The following ITPR2 variants were observed in gnomAD, a reference collection of about 807,000 sequenced individuals.
ITPR2 encodes the protein inositol 1,4,5-trisphosphate-gated calcium channel ITPR2.
ITPR2 carries 207 observed loss-of-function variants against 317.1 expected under a neutral mutation model. The ratio of observed to expected loss-of-function variants is 0.65; its 90% CI spans 0.58 to 0.73. The LOEUF (loss-of-function observed/expected upper bound fraction) is 0.73, where lower values mean the gene tolerates loss of function less well. Ranked by LOEUF, ITPR2 falls within the 30% of genes least tolerant of loss-of-function variation. The pLI is 0.00. For synonymous variants in ITPR2, 1,156 were observed against 1,149.1 expected, an observed-to-expected ratio of 1.01 and a Z score of -0.12; for missense variants, 2,613 against 3,284.0, an observed-to-expected ratio of 0.80 and a Z score of 4.99.
intron 39 of ITPR2, among the ~76,000 whole-genome samples, chr12:26,492,076 A>T (rs1416241363): frequency 6.6e-6 from 1 of 152,222 alleles, no homozygotes; most frequent in African/African-American, 2.4e-5. Context: ...AGAGGGAGAA[A>T]AACCTTTGCA....
chr12:26,800,727 A>G (rs952261462), intron 1 of ITPR2: 1 of 152,270 alleles, frequency 6.6e-6, no homozygotes, highest in Non-Finnish European at 1.5e-5. Context: ...AGGTTTTAAT[A>G]ATTTCTTGGA....
chr12:26,402,726 T>C (rs1378995127), intron 52 of ITPR2, among the ~76,000 whole-genome samples: 1 of 152,244 alleles, frequency 6.6e-6, no homozygotes, highest in Non-Finnish European at 1.5e-5. Context: ...AATAAGGTTC[T>C]ACCTTCGTGA....
chr12:26,747,628 C>T (rs1313974808), intron 2 of ITPR2, among the ~76,000 whole-genome samples: 3 of 152,208 alleles, frequency 2.0e-5, no homozygotes, highest in East Asian at 1.9e-4. Flanking sequence ...ACTTCCTAAA[C>T]ATCACTGAAG....
intron 55 of ITPR2, among the ~76,000 whole-genome samples, chr12:26,370,777 T>A (rs1292831637): frequency 1.3e-5 from 2 of 152,120 alleles, no homozygotes; most frequent in Non-Finnish European, 2.9e-5. Context: ...CAGGTTCAAG[T>A]GATTCTCCTG....
intron 2 of ITPR2, among the ~76,000 whole-genome samples, chr12:26,789,636 C>G (rs1950310885): frequency 6.6e-6 from 1 of 152,154 alleles, no homozygotes; most frequent in Admixed American, 6.5e-5. Context: ...TAATCAATCT[C>G]TTACTAGGAT....
chr12:26,510,068 T>C (rs1943296565), intron 37 of ITPR2, among the ~76,000 whole-genome samples: 1 of 150,704 alleles, frequency 6.6e-6, no homozygotes. Flanking sequence ...TTAAGTGCCT[T>C]TGTAATTCAT....
chr12:26,731,263 G>C (rs954057139), intron 2 of ITPR2, among the ~76,000 whole-genome samples: 1 of 152,166 alleles, frequency 6.6e-6, no homozygotes, highest in Non-Finnish European at 1.5e-5. Flanking sequence ...TAACCATAGG[G>C]AACATGGTTA....
In ITPR2 at chr12:26,810,497, C is replaced by G. The variant is rs554579329; in HGVS notation, c.93-20270G>C. 3.3e-5 allele frequency among the ~76,000 whole-genome samples: 5 copies of G among 152,316 alleles called. No individual in the cohort carries two copies. The South Asian group carries it at 1.0e-3, about 32-fold the overall frequency. ...TTCAGCCTCCCTTCCTTTCACACAC[C>G]AATCAAAAGCCTCTTCCCTGACTGA... On this transcript the variant is annotated intron_variant, in intron 1 of 56. Coordinates refer to ENST00000381340, the MANE Select transcript of ITPR2 (RefSeq NM_002223.4).
chr12:26,400,197 G>A lies in ITPR2; in HGVS notation c.7461C>T (p.Val2487=), dbSNP rs201378900. The part of the protein sequence containing the change: ...RTCDTLLMCI[V]TVLNQGLRNG... ...TCCTGAGGCCCTGGTTCAGCACGGT[G>A]ACAATGCACATAAGGAGAGTGTCAC... Residue 2487 remains valine, a synonymous_variant, in exon 53 of 57, where the codon GTC becomes GTT. Transcript: ENST00000381340. The A allele has an allele frequency of 1.2e-6, 2 of 1,611,194 alleles. No homozygotes were observed. The highest frequency in any genetic ancestry group is 1.7e-6 in the Non-Finnish European group (2 of 1,178,098).
chr12:26,820,335 A>T (rs946704828), intron 1 of ITPR2, among the ~76,000 whole-genome samples: 1 of 152,190 alleles, frequency 6.6e-6, no homozygotes, highest in African/African-American at 2.4e-5. Flanking sequence ...TAGAGATTTT[A>T]AAATTAAATA....
intron 29 of ITPR2, 79 bp from the exon 30 acceptor site, chr12:26,599,424 C>A (rs1945937758): frequency 8.0e-7 from 1 of 1,251,008 alleles, no homozygotes; most frequent in Middle Eastern, 1.9e-4. Context: ...AATTGCCCTG[C>A]TTGTGATCAG....
intron 21 of ITPR2, among the ~76,000 whole-genome samples, chr12:26,642,204 GT>G (rs1387402376): frequency 6.6e-6 from 1 of 152,140 alleles, no homozygotes; most frequent in Non-Finnish European, 1.5e-5. Flanking sequence ...TTTATTACAT[GT>G]TTAAATGTTA....
intron 9 of ITPR2, among the ~76,000 whole-genome samples, chr12:26,709,626 T>C (rs1464996816): frequency 6.6e-6 from 1 of 152,244 alleles, no homozygotes; most frequent in Non-Finnish European, 1.5e-5. Context: ...AATATACATG[T>C]ACATCATGTC....
chr12:26,812,360 C>A (rs150970322), intron 1 of ITPR2, among the ~76,000 whole-genome samples: 4,222 of 152,054 alleles, frequency 0.028, 197 homozygotes, highest in African/African-American at 0.096. Context: ...GGGCAGATCA[C>A]GAGGACAAGA....
At chr12:26,710,104 T>G (rs771104774) in intron 9 of ITPR2, among the ~76,000 whole-genome samples, 3 of 152,076 alleles carry the variant, frequency 2.0e-5, no homozygotes, top group Non-Finnish European at 4.4e-5. Flanking sequence ...CATGGTGGTG[T>G]GAACCTGTAG....
At chr12:26,767,176 T>C (rs1239958524) in intron 2 of ITPR2, among the ~76,000 whole-genome samples, 1 of 152,150 alleles carries the variant, frequency 6.6e-6, no homozygotes, top group Non-Finnish European at 1.5e-5. Flanking sequence ...TGGAGTTTGT[T>C]AAAGTTCTTC....
intron 55 of ITPR2, among the ~76,000 whole-genome samples, chr12:26,344,971 GGTTT>G (rs1392909993): frequency 4.6e-5 from 7 of 151,706 alleles, no homozygotes; most frequent in Admixed American, 6.6e-5. Context: ...TCTGTGTTTT[GGTTT>G]GTTTGTTTCT....
At chr12:26,481,023 G>T (rs981569480) in intron 43 of ITPR2, 108 bp downstream of exon 43, 7 of 588,420 alleles carry the variant, frequency 1.2e-5, no homozygotes, top group Admixed American at 3.1e-5. Flanking sequence ...ATCCCTTTCT[G>T]TCAATTGATT....
At chr12:26,554,769 T>C (rs1944620100) in intron 36 of ITPR2, among the ~76,000 whole-genome samples, 2 of 152,084 alleles carry the variant, frequency 1.3e-5, no homozygotes, top group South Asian at 4.2e-4. Context: ...GATCCTATTA[T>C]CTTTGCTTTT....
Sources: allele counts gnomAD v4.1 joint callset (sites outside exome capture counted in the v4.1 genomes callset), GRCh38; gene constraint gnomAD v4.1.1; transcripts MANE v1.5; gene names NCBI Gene and HGNC (gene_info 2026-07-23, HGNC 2026-07-21).